KCNIP4: variants seen among roughly 807,000 people sequenced by gnomAD.
KCNIP4 encodes the protein potassium voltage-gated channel interacting protein 4.
In KCNIP4, 12 loss-of-function variants were observed where a neutral mutation model predicts 34.0. The ratio of observed to expected loss-of-function variants is 0.35; its 90% CI spans 0.23 to 0.57. KCNIP4 has a LOEUF of 0.57. Ranked by LOEUF, KCNIP4 falls within the 20% of genes least tolerant of loss-of-function variation. KCNIP4 has a pLI of 0.83. For synonymous variants in KCNIP4, 124 were observed against 102.2 expected (o/e 1.21, Z -1.29); for missense variants, 238 against 311.7 (o/e 0.76, Z 1.78).
At chr4:20,797,832 G>A (rs929690101) in intron 3 of KCNIP4, among the ~76,000 whole-genome samples, 1 of 152,152 alleles carries the variant, frequency 6.6e-6, no homozygotes, top group Non-Finnish European at 1.5e-5. Context: ...GATCTTAGAC[G>A]TGGATTTTCC....
intron 3 of KCNIP4, among the ~76,000 whole-genome samples, chr4:20,817,134 G>T (rs1393495027): frequency 6.6e-6 from 1 of 152,214 alleles, no homozygotes; most frequent in African/African-American, 2.4e-5. Context: ...GGAGAGGAAG[G>T]AGGGTTCATA....
intron 5 of KCNIP4, among the ~76,000 whole-genome samples, chr4:20,748,761 A>G (rs1752980596): frequency 6.7e-6 from 1 of 150,198 alleles, no homozygotes; most frequent in African/African-American, 2.4e-5. Context: ...AACAAAAATA[A>G]AAGCCTTCAC....
intron 3 of KCNIP4, among the ~76,000 whole-genome samples, chr4:20,796,787 T>C (rs926272097): frequency 2.6e-5 from 4 of 152,074 alleles, no homozygotes; most frequent in Non-Finnish European, 5.9e-5. Context: ...CAATGAATAG[T>C]AATAGATGGA....
intron 1 of KCNIP4, among the ~76,000 whole-genome samples, chr4:21,806,839 G>A (rs566945910): frequency 5.3e-5 from 8 of 152,206 alleles, no homozygotes; most frequent in Non-Finnish European, 1.2e-4. Context: ...GATCGGTTTA[G>A]TGGAATACAG....
At chr4:21,596,187 CA>C (rs1426414538) in intron 1 of KCNIP4, among the ~76,000 whole-genome samples, 1 of 152,054 alleles carries the variant, frequency 6.6e-6, no homozygotes, top group Non-Finnish European at 1.5e-5. Context: ...TGTCTTAAGG[CA>C]AATTGGCTTA....
At chr4:21,800,929 A>T (rs1460557019) in intron 1 of KCNIP4, among the ~76,000 whole-genome samples, 1 of 152,184 alleles carries the variant, frequency 6.6e-6, no homozygotes, top group Non-Finnish European at 1.5e-5. Context: ...AACGTTTCTC[A>T]TGAGAAGTCT....
chr4:21,557,127 G>T (rs35743223), intron 1 of KCNIP4, among the ~76,000 whole-genome samples: 7,936 of 152,024 alleles, frequency 0.052, 317 homozygotes, highest in Middle Eastern at 0.13. Context: ...TACTAAATGT[G>T]TTTCGTCATG....
intron 1 of KCNIP4, among the ~76,000 whole-genome samples, chr4:21,264,699 T>C (rs1276392834): frequency 1.3e-5 from 2 of 152,138 alleles, no homozygotes; most frequent in Admixed American, 6.6e-5. Flanking sequence ...AGATTGGAGC[T>C]AAAATAAAAT....
intron 1 of KCNIP4, among the ~76,000 whole-genome samples, chr4:21,653,887 T>C (rs1455000587): frequency 2.0e-5 from 3 of 152,188 alleles, no homozygotes; most frequent in Admixed American, 2.0e-4. Context: ...TTATTTTTAT[T>C]TTTTGCTCCA....
intron 1 of KCNIP4, among the ~76,000 whole-genome samples, chr4:20,989,456 T>C (rs1025943365): frequency 6.6e-6 from 1 of 152,106 alleles, no homozygotes; most frequent in African/African-American, 2.4e-5. Flanking sequence ...ACTTGCTTAG[T>C]ATAGGAAAAA....
At chr4:21,487,862 T>C (rs1386553122) in intron 1 of KCNIP4, among the ~76,000 whole-genome samples, 1 of 150,892 alleles carries the variant, frequency 6.6e-6, no homozygotes, top group Non-Finnish European at 1.5e-5. Context: ...TTTTTAACTC[T>C]TTATTTATTT....
chr4:20,846,410 A>C (rs1206905775), intron 3 of KCNIP4, among the ~76,000 whole-genome samples: 3 of 152,214 alleles, frequency 2.0e-5, no homozygotes, highest in African/African-American at 4.8e-5. Context: ...AATTGAACTG[A>C]AGCTATAACT....
rs1189428530 is a variant in KCNIP4 at position 21,106,808 on chromosome 4, C to T, written c.62-224099G>A. On this transcript the variant is annotated intron_variant, in intron 1 of 8. Coordinates refer to ENST00000382152, the MANE Select transcript of KCNIP4 (RefSeq NM_025221.6). ...TTCTGGTATGTTGTGTCTTTTTTCT[C>T]GTTGGTGTCAAAGAATATCTTTATT... is the stretch of plus-strand genomic sequence containing the variant. Among the ~76,000 whole-genome samples the T allele has an allele frequency of 1.1e-4, 17 of 151,394 alleles. 1 individual carries two copies. The highest frequency in any genetic ancestry group is 1.0e-3 in the Admixed American group (16 of 15,248).
At chr4:21,342,606 T>C (rs930872197) in intron 1 of KCNIP4, among the ~76,000 whole-genome samples, 3 of 152,114 alleles carry the variant, frequency 2.0e-5, no homozygotes, top group African/African-American at 7.2e-5. Flanking sequence ...CTTTTTTCTG[T>C]GCTCTGAGAA....
intron 1 of KCNIP4, among the ~76,000 whole-genome samples, chr4:21,584,845 T>G (rs368884966): frequency 1.3e-5 from 2 of 152,118 alleles, no homozygotes; most frequent in African/African-American, 4.8e-5. Flanking sequence ...TGAAGGAAGA[T>G]GAAGTAACTT....
At chr4:21,624,240 T>C (rs1560571822) in intron 1 of KCNIP4, among the ~76,000 whole-genome samples, 1 of 152,164 alleles carries the variant, frequency 6.6e-6, no homozygotes, top group Non-Finnish European at 1.5e-5. Flanking sequence ...GAGTAATAAC[T>C]AGCTCATAGG....
intron 1 of KCNIP4, among the ~76,000 whole-genome samples, chr4:21,236,765 T>C (rs537176981): frequency 1.2e-4 from 18 of 151,960 alleles, no homozygotes; most frequent in African/African-American, 7.2e-5. Context: ...ATCCCAGCAC[T>C]TTGGGAGGCT....
chr4:21,556,930 A>AAACAAAAAAAAAAAAAAAAC (rs1739093810), intron 1 of KCNIP4, among the ~76,000 whole-genome samples: 6 of 108,262 alleles, frequency 5.5e-5, no homozygotes, highest in East Asian at 3.2e-4. Flanking sequence ...CAGAAAAAAA[A>AAACAAAAAAAAAAAAAAAAC]AAAAAAAAAA....
At chr4:21,226,358 G>GGAAGGAAGGAAGGAAGGAAGGAAT (rs1758403672) in intron 1 of KCNIP4, among the ~76,000 whole-genome samples, 1 of 149,032 alleles carries the variant, frequency 6.7e-6, no homozygotes, top group African/African-American at 2.5e-5. Context: ...AGGAAGAGAA[G>GGAAGGAAGGAAGGAAGGAAGGAAT]GAAGGAAGGA....
Sources: gnomAD v4.1 joint callset for allele counts (sites outside exome capture counted in the v4.1 genomes callset) on GRCh38, gnomAD v4.1.1 for gene constraint, MANE v1.5 for transcripts, NCBI Gene and HGNC (gene_info 2026-07-23, HGNC 2026-07-21) for gene names.